PRICKLE1: variants seen among roughly 807,000 people sequenced by gnomAD.
PRICKLE1 encodes prickle planar cell polarity protein 1, also known as prickle-like protein 1.
In PRICKLE1, 14 loss-of-function variants were observed where a neutral mutation model predicts 70.2. That is an observed-to-expected ratio of 0.20 (90% CI 0.13 to 0.31). The LOEUF (loss-of-function observed/expected upper bound fraction) is 0.31. PRICKLE1 is among the 10% of genes least tolerant of loss of function. The probability of loss-of-function intolerance (pLI) is 1.00; values close to 1 mark genes in which losing one functional copy is unlikely to be tolerated. For synonymous variants in PRICKLE1, 357 were observed against 379.9 expected, an observed-to-expected ratio of 0.94 and a Z score of 0.70; for missense variants, 821 against 1,026.2, an observed-to-expected ratio of 0.80 and a Z score of 2.73.
intron 1 of PRICKLE1, among the ~76,000 whole-genome samples, chr12:42,481,525 T>G (rs771679855): frequency 6.6e-5 from 10 of 152,218 alleles, no homozygotes; most frequent in Non-Finnish European, 1.3e-4. Context: ...AGGTGTCCCC[T>G]GCTGCTAAGT....
At chr12:42,515,302 C>T (rs1939590625) in intron 1 of PRICKLE1, among the ~76,000 whole-genome samples, 1 of 150,140 alleles carries the variant, frequency 6.7e-6, no homozygotes, top group Admixed American at 6.7e-5. Context: ...TGCAATGGTG[C>T]CATCCTGGCT....
At chr12:42,501,803 C>T (rs532642510) in intron 1 of PRICKLE1, among the ~76,000 whole-genome samples, 8 of 152,228 alleles carry the variant, frequency 5.3e-5, no homozygotes, top group South Asian at 2.1e-4. Context: ...ATCCTTGAAA[C>T]ATCCAGGCAT....
At chr12:42,579,117 G>T (rs947585013) in intron 1 of PRICKLE1, among the ~76,000 whole-genome samples, 2 of 152,142 alleles carry the variant, frequency 1.3e-5, no homozygotes, top group African/African-American at 4.8e-5. Context: ...CAGTACAGAG[G>T]TATCTTCAGG....
At chr12:42,504,422 C>A (rs531704805) in intron 1 of PRICKLE1, among the ~76,000 whole-genome samples, 1 of 152,214 alleles carries the variant, frequency 6.6e-6, no homozygotes, top group Admixed American at 6.5e-5. Flanking sequence ...AAAATCTGCA[C>A]GGAACTAGCG....
chr12:42,477,960 T>C (rs1487057720), intron 1 of PRICKLE1, among the ~76,000 whole-genome samples: 2 of 151,156 alleles, frequency 1.3e-5, no homozygotes, highest in African/African-American at 4.8e-5. Context: ...CTATACTTTT[T>C]TTTTTTTTTT....
At chr12:42,493,540 A>G (rs916352938) in intron 1 of PRICKLE1, among the ~76,000 whole-genome samples, 1 of 152,184 alleles carries the variant, frequency 6.6e-6, no homozygotes, top group African/African-American at 2.4e-5. Context: ...TCTACCTCCA[A>G]ACAAATATTG....
chr12:42,474,377 C>CA (rs1476597627), intron 1 of PRICKLE1, among the ~76,000 whole-genome samples: 3 of 152,150 alleles, frequency 2.0e-5, no homozygotes, highest in African/African-American at 7.2e-5. Flanking sequence ...AAATGAAGGG[C>CA]AAGCACCTCA....
rs1242103174 is a variant in PRICKLE1, at chr12:42,553,288, C to CA, written c.-49+36176dup. Among the ~76,000 whole-genome samples, 3 of 151,796 alleles carry CA rather than the reference C, an allele frequency of 2.0e-5. No individual in the cohort carries two copies. In the East Asian group the frequency reaches 5.8e-4, roughly 30 times the overall value. ...TGAAACCCTGTCTCTACTAAAAATA[C>CA]AAAAAATTAGCCGGGCGTGGTAGCG... On this transcript the variant is annotated intron_variant, in intron 1 of 7. Transcript: ENST00000345127.
rs116650992 is a variant in PRICKLE1 at position 42,525,357 on chromosome 12, G to A, written c.-48-52793C>T. 8.0e-3 allele frequency among the ~76,000 whole-genome samples: 1,223 copies of A among 152,188 alleles called. 16 individuals carry two copies. The highest frequency in any genetic ancestry group is 0.028 in the African/African-American group (1,175 of 41,520). ...AAGTCAGTCTTTTCCTGAGTTCTGC[G>A]AGCCAGTACTAACAAATTAGTCAAA... On this transcript the variant is annotated intron_variant, in intron 1 of 7. Transcript: ENST00000345127.
intron 1 of PRICKLE1, among the ~76,000 whole-genome samples, chr12:42,536,069 G>T (rs1016342996): frequency 2.0e-5 from 3 of 152,154 alleles, no homozygotes; most frequent in South Asian, 2.1e-4. Flanking sequence ...TGGTTCTCTG[G>T]TCTGCACAGA....
At chr12:42,588,342 G>A (rs564915369) in intron 1 of PRICKLE1, among the ~76,000 whole-genome samples, 3 of 152,184 alleles carry the variant, frequency 2.0e-5, no homozygotes, top group Admixed American at 1.3e-4. Flanking sequence ...AGACGAGGCA[G>A]TAGACAACAC....
chr12:42,499,609 C>T (rs932783485), intron 1 of PRICKLE1, among the ~76,000 whole-genome samples: 3 of 152,038 alleles, frequency 2.0e-5, no homozygotes, highest in Non-Finnish European at 2.9e-5. Flanking sequence ...TTAGTAGAGA[C>T]GAGGTTTCAC....
At chr12:42,489,719 A>T (rs1301653073) in intron 1 of PRICKLE1, 2 of 151,262 alleles carry the variant, frequency 1.3e-5, no homozygotes, top group African/African-American at 4.9e-5. Context: ...GTATGAGAAG[A>T]TACCTGAATG....
chr12:42,460,693 C>T, intron 7 of PRICKLE1, 28 bp from the exon 8 acceptor site: 3 of 1,603,100 alleles, frequency 1.9e-6, no homozygotes, highest in Non-Finnish European at 2.5e-6. Context: ...ACAAGATGTG[C>T]TTCTCAATCA....
intron 1 of PRICKLE1, among the ~76,000 whole-genome samples, chr12:42,476,125 G>A (rs958572832): frequency 2.0e-5 from 3 of 149,718 alleles, no homozygotes; most frequent in African/African-American, 7.3e-5. Flanking sequence ...ATATGGCATG[G>A]CCTCCACTGG....
At chr12:42,541,036 G>A (rs1285068458) in intron 1 of PRICKLE1, among the ~76,000 whole-genome samples, 1 of 151,778 alleles carries the variant, frequency 6.6e-6, no homozygotes, top group Non-Finnish European at 1.5e-5. Context: ...ACTTGGAATT[G>A]CTCTATAGCC....
intron 1 of PRICKLE1, among the ~76,000 whole-genome samples, chr12:42,510,050 G>A (rs1194164723): frequency 6.7e-6 from 1 of 150,126 alleles, no homozygotes; most frequent in South Asian, 2.1e-4. Context: ...TCCAGCCTGG[G>A]TGACAGAGCG....
chr12:42,574,379 T>C (rs541563728), intron 1 of PRICKLE1, among the ~76,000 whole-genome samples: 2 of 152,318 alleles, frequency 1.3e-5, no homozygotes, highest in African/African-American at 4.8e-5. Context: ...TGAAAACCAC[T>C]TTGCTATACA....
chr12:42,465,529 A>C, intron 6 of PRICKLE1: 1 of 457,536 alleles, frequency 2.2e-6, no homozygotes, highest in Non-Finnish European at 3.9e-6. Flanking sequence ...CTGAACCAAC[A>C]TGCACTGATC....
Sources: allele counts gnomAD v4.1 joint callset (sites outside exome capture counted in the v4.1 genomes callset), GRCh38; gene constraint gnomAD v4.1.1; transcripts MANE v1.5; gene names NCBI Gene and HGNC (gene_info 2026-07-23, HGNC 2026-07-21).